The following PHF20 variants were observed in gnomAD, a reference collection of about 807,000 sequenced individuals.
PHF20 encodes the protein glioma-expressed antigen 2.
A neutral mutation model predicts 113.5 loss-of-function variants in PHF20; 23 were observed. The ratio of observed to expected loss-of-function variants is 0.20; its 90% CI spans 0.15 to 0.29. The LOEUF is 0.29. Ranked by LOEUF, PHF20 falls within the 10% of genes least tolerant of loss-of-function variation. The probability of loss-of-function intolerance (pLI) is 1.00; values close to 1 mark genes in which losing one functional copy is unlikely to be tolerated. For synonymous variants in PHF20, 434 were observed against 457.3 expected (o/e 0.95, Z 0.65); for missense variants, 943 against 1,219.6 (o/e 0.77, Z 3.38).
At chr20:35,798,441 TTTTTCTTTTC>T (rs200435871) in intron 1 of PHF20, among the ~76,000 whole-genome samples, 1 of 151,928 alleles carries the variant, frequency 6.6e-6, no homozygotes, top group Middle Eastern at 3.4e-3. Context: ...CATATGAGTT[TTTTTCTTTTC>T]TTTTCTTTTC....
intron 1 of PHF20, among the ~76,000 whole-genome samples, chr20:35,796,478 G>A (rs577922905): frequency 6.6e-6 from 1 of 152,214 alleles, no homozygotes; most frequent in Admixed American, 6.6e-5. Context: ...AGTATAAGCA[G>A]TTCCACAGGT....
intron 2 of PHF20, among the ~76,000 whole-genome samples, chr20:35,829,174 A>G (rs2042314567): frequency 6.6e-6 from 1 of 152,168 alleles, no homozygotes; most frequent in African/African-American, 2.4e-5. Context: ...AGGGAATCTG[A>G]GAGAGTGCAG....
At chr20:35,845,818 C>T (rs934859157) in intron 3 of PHF20, among the ~76,000 whole-genome samples, 1 of 146,532 alleles carries the variant, frequency 6.8e-6, no homozygotes, top group African/African-American at 2.5e-5. Context: ...TACTGTATGG[C>T]CGAGGCTGGA....
chr20:35,856,542 G>C (rs2042831154), intron 4 of PHF20: 1 of 152,224 alleles, frequency 6.6e-6, no homozygotes, highest in African/African-American at 2.4e-5. Flanking sequence ...TACTGTGTGT[G>C]GAAGAAAGTG....
At position 35,874,664 on chromosome 20, in the gene PHF20, C is replaced by T. The variant is rs137878359; in HGVS notation, c.1282+2835C>T. 6.0e-3 allele frequency among the ~76,000 whole-genome samples: 918 copies of T among 151,904 alleles called. 11 individuals are homozygous for T. The highest frequency in any genetic ancestry group is 0.021 in the African/African-American group (869 of 41,464). ...ATGTCCAGCTAATTTTTTTTCTTTTCTCAACTTTTAGTTAAAAAACAAACA... is the reference window on the plus strand; with the variant it reads ...ATGTCCAGCTAATTTTTTTTCTTTTTTCAACTTTTAGTTAAAAAACAAACA... On this transcript the variant is annotated intron_variant, in intron 9 of 17. Coordinates refer to ENST00000374012, the MANE Select transcript of PHF20 (RefSeq NM_016436.5).
In PHF20 at chr20:35,897,347, G is replaced by A. The variant is rs577522478; in HGVS notation, c.1283-2023G>A. Among the ~76,000 whole-genome samples, 38 of 151,776 alleles carry A rather than the reference G, an allele frequency of 2.5e-4. 2 individuals carry two copies. In the South Asian group the frequency reaches 3.3e-3, roughly 13 times the overall value. On this transcript the variant is annotated intron_variant, in intron 9 of 17. Coordinates refer to ENST00000374012, the MANE Select transcript of PHF20 (RefSeq NM_016436.5). ...ATGTAATAATTTTACATATTCATGTGGTACAGTGATATTTCCTTACATGTA... is the reference window on the plus strand; with the variant it reads ...ATGTAATAATTTTACATATTCATGTAGTACAGTGATATTTCCTTACATGTA...
chr20:35,832,582 A>G (rs2042373450), intron 2 of PHF20, among the ~76,000 whole-genome samples: 1 of 152,204 alleles, frequency 6.6e-6, no homozygotes, highest in Non-Finnish European at 1.5e-5. Context: ...TTCTGAGGCT[A>G]TGGGAGGATA....
intron 9 of PHF20, chr20:35,887,565 GT>G (rs1266612224): frequency 6.6e-6 from 1 of 152,124 alleles, no homozygotes. Context: ...AAGGAAGAGT[GT>G]TTCCTAGTAA....
intron 2 of PHF20, among the ~76,000 whole-genome samples, chr20:35,816,538 C>T (rs890327505): frequency 1.3e-5 from 2 of 151,332 alleles, no homozygotes; most frequent in Non-Finnish European, 2.9e-5. Flanking sequence ...CAACCTCTGC[C>T]TCCGGGGTTC....
chr20:35,853,757 CTT>C (rs775477393), intron 4 of PHF20, among the ~76,000 whole-genome samples: 29 of 140,368 alleles, frequency 2.1e-4, no homozygotes, highest in Admixed American at 2.9e-4. Context: ...CTATTTCTTT[CTT>C]TTTTTTTTTT....
chr20:35,805,579 C>T (rs2041866128), intron 2 of PHF20, among the ~76,000 whole-genome samples: 2 of 151,544 alleles, frequency 1.3e-5, no homozygotes, highest in Non-Finnish European at 2.9e-5. Flanking sequence ...GTGATCTGCC[C>T]GCCTTGGCTT....
intron 3 of PHF20, among the ~76,000 whole-genome samples, chr20:35,843,144 C>A (rs1448146136): frequency 6.6e-6 from 1 of 151,780 alleles, no homozygotes; most frequent in African/African-American, 2.4e-5. Context: ...AATTTTACGG[C>A]ATTGTATCCC....
chr20:35,795,923 T>C (rs1311496333), intron 1 of PHF20, among the ~76,000 whole-genome samples: 3 of 152,144 alleles, frequency 2.0e-5, no homozygotes, highest in Non-Finnish European at 2.9e-5. Context: ...TGATCTCAGC[T>C]CACTGCAACC....
At chr20:35,867,221 C>T (rs766968630) in intron 6 of PHF20, among the ~76,000 whole-genome samples, 3 of 152,040 alleles carry the variant, frequency 2.0e-5, no homozygotes, top group Admixed American at 1.3e-4. Flanking sequence ...TGATTGGGAA[C>T]AGGATCTGAG....
chr20:35,796,795 A>G (rs551093667), intron 1 of PHF20, among the ~76,000 whole-genome samples: 32 of 152,294 alleles, frequency 2.1e-4, no homozygotes, highest in Non-Finnish European at 4.3e-4. Context: ...ACTTCTGCGT[A>G]CATCCTGTTA....
In PHF20 at chr20:35,914,153, A is replaced by G. The variant is rs548981418; in HGVS notation, c.1781A>G (p.His594Arg). 1.9e-6 allele frequency: 3 copies of G among 1,614,170 alleles called. No individual in the cohort carries two copies. The highest frequency in any genetic ancestry group is 2.2e-5 in the East Asian group (1 of 44,880). ...GGGGTCCATATGAGCCCGCAGCTTC[A>G]TGGCCCAGAATCTGGACACCACAAA... The part of the protein sequence containing the change: ...KPGVHMSPQL[H>R]GPESGHHKGK... The change falls in exon 12 of 18, where the codon CAT becomes CGT. Residue 594 changes from histidine to arginine, a missense_variant. By Grantham distance (29) the His-to-Arg change is conservative. Coordinates refer to ENST00000374012, the MANE Select transcript of PHF20 (RefSeq NM_016436.5).
chr20:35,938,513 T>A, intron 15 of PHF20, 184 bp from the exon 16 acceptor site: 1 of 611,532 alleles, frequency 1.6e-6, no homozygotes, highest in Non-Finnish European at 2.9e-6. Flanking sequence ...CAGTGGGAGC[T>A]CACTAAGGAG....
intron 6 of PHF20, among the ~76,000 whole-genome samples, chr20:35,869,018 G>A (rs1219369745): frequency 2.0e-5 from 3 of 152,022 alleles, no homozygotes; most frequent in Non-Finnish European, 4.4e-5. Context: ...TTGCACCTGG[G>A]AGGCGGAGGT....
chr20:35,783,693 TGGGATTGGCCG>T (rs1301578524), intron 1 of PHF20, among the ~76,000 whole-genome samples: 2 of 151,932 alleles, frequency 1.3e-5, no homozygotes, highest in African/African-American at 2.4e-5. Flanking sequence ...TCCAAAGTAC[TGGGATTGGCCG>T]GGCATGGTGC....
Sources: gnomAD v4.1 joint callset for allele counts (sites outside exome capture counted in the v4.1 genomes callset) on GRCh38, gnomAD v4.1.1 for gene constraint, MANE v1.5 for transcripts, NCBI Gene and HGNC (gene_info 2026-07-23, HGNC 2026-07-21) for gene names.